The following ME1 variants were observed in gnomAD, a reference collection of about 807,000 sequenced individuals.
The protein encoded by ME1 is NADP-dependent malic enzyme.
ME1 carries 74 observed loss-of-function variants against 66.4 expected under a neutral mutation model. That is an observed-to-expected ratio of 1.11 (90% CI 0.92 to 1.35). The LOEUF is 1.35. Among genes scored for constraint, ME1 ranks in the 40% most tolerant of loss-of-function variants. ME1 has a pLI of 0.00. For missense variants in ME1, 750 were observed against 694.1 expected (o/e 1.08, Z -0.90); for synonymous variants, 251 against 235.6 (o/e 1.07, Z -0.60).
At chr6:83,405,509 C>T (rs1269846501) in intron 2 of ME1, among the ~76,000 whole-genome samples, 4 of 152,044 alleles carry the variant, frequency 2.6e-5, no homozygotes, top group Non-Finnish European at 5.9e-5. Flanking sequence ...TTTCTCTTGC[C>T]TGATTGACCT....
intron 6 of ME1, among the ~76,000 whole-genome samples, chr6:83,271,361 G>A (rs915342307): frequency 3.3e-5 from 5 of 152,138 alleles, no homozygotes; most frequent in African/African-American, 1.2e-4. Flanking sequence ...GAGCTGTGTG[G>A]CAGTTTAATG....
intron 3 of ME1, among the ~76,000 whole-genome samples, chr6:83,373,982 T>G (rs190339298): frequency 2.0e-5 from 3 of 152,346 alleles, no homozygotes; most frequent in Non-Finnish European, 4.4e-5. Flanking sequence ...GTGTAATATG[T>G]ACCACATTTT....
chr6:83,402,189 G>A (rs1769852704), intron 2 of ME1, among the ~76,000 whole-genome samples: 1 of 152,190 alleles, frequency 6.6e-6, no homozygotes, highest in Middle Eastern at 3.2e-3. Context: ...TCAGTTACCA[G>A]CAAAGTGCCA....
intron 7 of ME1, among the ~76,000 whole-genome samples, chr6:83,249,953 T>C (rs9444055): frequency 1.3e-5 from 2 of 152,214 alleles, no homozygotes; most frequent in African/African-American, 4.8e-5. Context: ...TTTATCCCAT[T>C]GTCTTTTCTT....
At chr6:83,307,615 C>T (rs916834906) in intron 6 of ME1, among the ~76,000 whole-genome samples, 3 of 151,908 alleles carry the variant, frequency 2.0e-5, no homozygotes, top group African/African-American at 7.2e-5. Context: ...AAATATATCC[C>T]CGTCATCTAA....
In ME1 at chr6:83,326,614, G is replaced by A. The variant is rs147261850; in HGVS notation, c.601-11201C>T. ...ATTTTCAAAAGAAGGCATGTATGTG[G>A]CCAAAAAACATAAAAAAAAGCTCAT... On this transcript the variant is annotated intron_variant, in intron 5 of 13. Coordinates refer to ENST00000369705, the MANE Select transcript of ME1 (RefSeq NM_002395.6). 2.6e-5 allele frequency among the ~76,000 whole-genome samples: 4 copies of A among 152,216 alleles called. No homozygotes were observed. In the East Asian group the frequency reaches 7.7e-4, roughly 29 times the overall value.
At chr6:83,262,603 T>G (rs1412366390) in intron 6 of ME1, among the ~76,000 whole-genome samples, 2 of 152,218 alleles carry the variant, frequency 1.3e-5, no homozygotes, top group South Asian at 2.1e-4. Flanking sequence ...GGTCACATAT[T>G]CAGCAGAAAA....
intron 6 of ME1, among the ~76,000 whole-genome samples, chr6:83,283,839 G>T (rs752261022): frequency 6.6e-6 from 1 of 152,036 alleles, no homozygotes; most frequent in Admixed American, 6.6e-5. Flanking sequence ...AGAGGAACAA[G>T]AACAAACTAA....
At chr6:83,388,828 A>T (rs1769563636) in intron 3 of ME1, among the ~76,000 whole-genome samples, 1 of 152,090 alleles carries the variant, frequency 6.6e-6, no homozygotes, top group Non-Finnish European at 1.5e-5. Flanking sequence ...TGCCCTGTAT[A>T]AGGATGAGTG....
chr6:83,245,325 A>T (rs567735869), intron 7 of ME1, among the ~76,000 whole-genome samples: 1 of 152,310 alleles, frequency 6.6e-6, no homozygotes, highest in South Asian at 2.1e-4. Flanking sequence ...AGAGAGAAAG[A>T]GGTTGAAGTT....
At chr6:83,297,714 A>G (rs936877356) in intron 6 of ME1, among the ~76,000 whole-genome samples, 4 of 152,100 alleles carry the variant, frequency 2.6e-5, no homozygotes, top group Admixed American at 2.6e-4. Context: ...CCCCGCATGC[A>G]TTAGCTATTT....
At chr6:83,251,734 G>C (rs1468604072) in intron 7 of ME1, among the ~76,000 whole-genome samples, 2 of 152,100 alleles carry the variant, frequency 1.3e-5, no homozygotes, top group South Asian at 4.1e-4. Flanking sequence ...TTCAGGACCT[G>C]AGAAAGGAAG....
intron 6 of ME1, among the ~76,000 whole-genome samples, chr6:83,256,446 A>T (rs1480385893): frequency 6.6e-6 from 1 of 152,210 alleles, no homozygotes; most frequent in African/African-American, 2.4e-5. Context: ...AAAAAAGCTC[A>T]TCATCACTGG....
intron 9 of ME1, among the ~76,000 whole-genome samples, chr6:83,237,280 G>GAAAGAAAGAGAAAGA (rs1562455285): frequency 1.8e-4 from 4 of 21,622 alleles, no homozygotes; most frequent in South Asian, 1.2e-3. Flanking sequence ...AGAAAGAAAG[G>GAAAGAAAGAGAAAGA]AAGGAAGGAA....
In ME1 at chr6:83,228,925, C is replaced by T. The variant is rs770613823; in HGVS notation, c.1033G>A (p.Ala345Thr). Reference protein sequence around the residue: ...DSKGLIVKGRASLTQEKEKFA... With the variant: ...DSKGLIVKGRTSLTQEKEKFA... Reference sequence around the variant, plus strand: ...TTCTCTTTCTCTTGTGTTAAGGAAGCACGTCCCTAAGTAAAGCCAGTAAGA... The same window carrying T: ...TTCTCTTTCTCTTGTGTTAAGGAAGTACGTCCCTAAGTAAAGCCAGTAAGA... Residue 345 changes from alanine to threonine, a missense_variant, in exon 10 of 14, where the codon GCT becomes ACT. Coordinates refer to ENST00000369705, the MANE Select transcript of ME1 (RefSeq NM_002395.6). 3.7e-6 allele frequency: 6 copies of T among 1,607,886 alleles called. No homozygotes were observed. The Admixed American group carries it at 8.5e-5, about 23-fold the overall frequency.
chr6:83,405,702 T>G (rs1583420582), intron 2 of ME1, among the ~76,000 whole-genome samples: 1 of 139,224 alleles, frequency 7.2e-6, no homozygotes, highest in Admixed American at 6.9e-5. Context: ...TTATTGAGAG[T>G]TTTTTTTGTT....
Position 83,228,824 on chromosome 6 carries a change from A to C in ME1, c.1132+2T>G, listed in dbSNP as rs1350865267. ...GGAGAAGGGAGAGGAGAAAATGCTT[A>C]CCTATGAGGGCAGTTGGTTTTATTT... On this transcript the variant is annotated splice_donor_variant, in intron 10 of 13. Coordinates refer to ENST00000369705, the MANE Select transcript of ME1 (RefSeq NM_002395.6). LOFTEE classifies it high-confidence loss of function. 1 of 1,591,098 alleles carries C rather than the reference A, an allele frequency of 6.3e-7. No individual in the cohort carries two copies. Among genetic ancestry groups the C allele is most frequent in the African/African-American group, 1.4e-5 (1 of 73,682 alleles).
intron 5 of ME1, among the ~76,000 whole-genome samples, chr6:83,320,360 T>A (rs894300254): frequency 2.0e-5 from 3 of 152,228 alleles, no homozygotes; most frequent in African/African-American, 7.2e-5. Context: ...AATGGCACCC[T>A]CTGTCGTTGT....
intron 5 of ME1, among the ~76,000 whole-genome samples, chr6:83,331,942 A>T (rs1353104731): frequency 6.6e-6 from 1 of 152,222 alleles, no homozygotes; most frequent in Non-Finnish European, 1.5e-5. Flanking sequence ...CCTCAATATT[A>T]GTCATATACA....
Sources: gnomAD v4.1 joint callset for allele counts (sites outside exome capture counted in the v4.1 genomes callset) on GRCh38, gnomAD v4.1.1 for gene constraint, MANE v1.5 for transcripts, NCBI Gene and HGNC (gene_info 2026-07-23, HGNC 2026-07-21) for gene names.